The following TRPM3 variants were observed in gnomAD, a reference collection of about 807,000 sequenced individuals.
TRPM3 encodes long transient receptor potential channel 3.
A neutral mutation model predicts 181.2 loss-of-function variants in TRPM3; 77 were observed. That is an observed-to-expected ratio of 0.42 (90% confidence interval 0.35 to 0.51). The LOEUF (loss-of-function observed/expected upper bound fraction) is 0.51. Among genes scored for constraint, TRPM3 ranks in the 20% least tolerant of loss-of-function variants. The probability of loss-of-function intolerance (pLI) is 0.01; values close to 1 mark genes in which losing one functional copy is unlikely to be tolerated. For missense variants in TRPM3, 1,759 were observed against 2,196.7 expected, an observed-to-expected ratio of 0.80 and a Z score of 3.98; for synonymous variants, 745 against 796.4, an observed-to-expected ratio of 0.94 and a Z score of 1.09.
intron 1 of TRPM3, among the ~76,000 whole-genome samples, chr9:71,023,362 A>T (rs1301355094): frequency 1.3e-5 from 2 of 152,320 alleles, no homozygotes; most frequent in East Asian, 3.9e-4. Flanking sequence ...GGATGGAGAA[A>T]AACCGGGATT....
chr9:71,328,091 A>T (rs940897620), intron 1 of TRPM3, among the ~76,000 whole-genome samples: 5 of 151,348 alleles, frequency 3.3e-5, no homozygotes, highest in African/African-American at 1.2e-4. Flanking sequence ...CAAAAAAAAA[A>T]CCCCAAGTGA....
chr9:70,805,608 T>C (rs1254444344), intron 6 of TRPM3, among the ~76,000 whole-genome samples: 1 of 150,026 alleles, frequency 6.7e-6, no homozygotes, highest in East Asian at 2.0e-4. Flanking sequence ...TGGAATTGGG[T>C]TTATTTGAAT....
chr9:71,428,970 A>C (rs561460017), intron 1 of TRPM3, among the ~76,000 whole-genome samples: 8 of 151,468 alleles, frequency 5.3e-5, no homozygotes, highest in Admixed American at 2.0e-4. Context: ...AAAAAAAAGG[A>C]AACAGGCTTT....
intron 1 of TRPM3, among the ~76,000 whole-genome samples, chr9:71,032,013 T>TG (rs2057430970): frequency 1.8e-3 from 1 of 546 alleles, no homozygotes. Context: ...ATATAATATA[T>TG]AATATATATA....
intron 1 of TRPM3, among the ~76,000 whole-genome samples, chr9:71,114,559 T>C (rs1472226926): frequency 2.0e-5 from 3 of 152,238 alleles, no homozygotes; most frequent in Non-Finnish European, 4.4e-5. Flanking sequence ...AAATGTTCTC[T>C]TCCTCCTCCT....
chr9:71,209,696 G>A (rs927352886), intron 1 of TRPM3, among the ~76,000 whole-genome samples: 3 of 152,104 alleles, frequency 2.0e-5, no homozygotes, highest in Non-Finnish European at 4.4e-5. Context: ...TTTTTGTCTG[G>A]TCCATGAGCT....
chr9:70,833,502 A>G (rs1467685769), intron 5 of TRPM3, among the ~76,000 whole-genome samples: 1 of 152,156 alleles, frequency 6.6e-6, no homozygotes, highest in Non-Finnish European at 1.5e-5. Flanking sequence ...ACTGTGATGG[A>G]CAATTTCCCA....
At chr9:71,430,424 C>A (rs2093936974) in intron 1 of TRPM3, among the ~76,000 whole-genome samples, 1 of 152,120 alleles carries the variant, frequency 6.6e-6, no homozygotes, top group African/African-American at 2.4e-5. Flanking sequence ...CTTAGATTAG[C>A]AGCAAAAGGC....
chr9:71,280,370 A>G (rs1201359576), intron 1 of TRPM3, among the ~76,000 whole-genome samples: 2 of 152,198 alleles, frequency 1.3e-5, no homozygotes, highest in African/African-American at 4.8e-5. Flanking sequence ...TATTCCCCAC[A>G]TGGAAAATTT....
intron 1 of TRPM3, among the ~76,000 whole-genome samples, chr9:70,937,978 G>C (rs533060244): frequency 2.6e-5 from 4 of 152,294 alleles, no homozygotes; most frequent in Non-Finnish European, 5.9e-5. Context: ...TCTCCTTTGA[G>C]AACCGTGGTC....
chr9:71,187,949 AG>A (rs2077783481), intron 1 of TRPM3, among the ~76,000 whole-genome samples: 1 of 60,618 alleles, frequency 1.6e-5, no homozygotes, highest in Admixed American at 1.9e-4. Flanking sequence ...ATAGATAGAT[AG>A]ATCATCGCAT....
In TRPM3 at chr9:70,616,045, T is replaced by C; in HGVS notation, c.2389A>G (p.Ile797Val). Residue 797 changes from isoleucine (I) to valine (V), a missense_variant, in exon 18 of 26, where the codon ATT becomes GTT. By Grantham distance (29) the Ile-to-Val change is conservative (BLOSUM62 3). Around this residue, in one of 8 missense-constraint regions of TRPM3, gnomAD observed 114 missense variants for 134.8 expected, o/e 0.85. Coordinates refer to ENST00000677713, the MANE Select transcript of TRPM3 (RefSeq NM_001366145.2). Reference protein sequence around the residue: ...VILGILLPPSILSLEFKNKDD... With the variant: ...VILGILLPPSVLSLEFKNKDD... ...TTGTTCTTGAACTCCAAGCTGAGAA[T>C]TGAAGGAGGAAGTAGAATTCCCAGA... The C allele has an allele frequency of 1.9e-6, 3 of 1,608,048 alleles. No homozygotes were observed. Among genetic ancestry groups the C allele is most frequent in the Non-Finnish European group, 2.5e-6 (3 of 1,177,824 alleles).
At chr9:70,638,930 GA>G (rs1386084279) in intron 11 of TRPM3, 129 bp downstream of exon 11, 1 of 1,038,340 alleles carries the variant, frequency 9.6e-7, no homozygotes, top group Non-Finnish European at 1.4e-6. Context: ...AGGTCTAAGG[GA>G]GTATTTGTGA....
In TRPM3 at chr9:70,536,806, A is replaced by G. The variant is rs1185656430; in HGVS notation, c.4307T>C (p.Leu1436Pro). ...IDPLDNSVNILGLGEPSFSTP... is the reference protein window; with the variant it reads ...IDPLDNSVNIPGLGEPSFSTP... ...TGAAAAGCTTGGCTCGCCCAGCCCAAGGATGTTCACGGAATTGTCCAGAGG... is the reference window on the plus strand; with the variant it reads ...TGAAAAGCTTGGCTCGCCCAGCCCAGGGATGTTCACGGAATTGTCCAGAGG... Residue 1436 changes from leucine to proline, a missense_variant, in exon 26 of 26, where the codon CTT (leucine) becomes CCT (proline). Around this residue, in one of 8 missense-constraint regions of TRPM3, gnomAD observed 612 missense variants for 590.0 expected, o/e 1.04. Transcript: ENST00000677713. The G allele has an allele frequency of 3.1e-6, 5 of 1,614,174 alleles. No individual in the cohort carries two copies. The highest frequency in any genetic ancestry group is 4.5e-5 in the East Asian group (2 of 44,864).
chr9:71,428,162 G>C (rs1429091631), intron 1 of TRPM3, among the ~76,000 whole-genome samples: 1 of 151,628 alleles, frequency 6.6e-6, no homozygotes, highest in African/African-American at 2.4e-5. Flanking sequence ...TGCAATCTCA[G>C]CTCATTGCAA....
chr9:70,762,295 T>C (rs1173266256), intron 7 of TRPM3, among the ~76,000 whole-genome samples: 1 of 152,258 alleles, frequency 6.6e-6, no homozygotes, highest in Non-Finnish European at 1.5e-5. Flanking sequence ...GTCAAGCTTT[T>C]GTTCTGTTAC....
At chr9:71,161,977 T>A (rs1388697435) in intron 1 of TRPM3, among the ~76,000 whole-genome samples, 1 of 151,836 alleles carries the variant, frequency 6.6e-6, no homozygotes. Context: ...CAAGGCAGGC[T>A]GATCACCTGA....
At chr9:71,168,893 G>A in intron 1 of TRPM3, among the ~76,000 whole-genome samples, 1 of 152,078 alleles carries the variant, frequency 6.6e-6, no homozygotes, top group East Asian at 1.9e-4. Context: ...TACAAAAGAA[G>A]AAGCTAGCTT....
chr9:70,875,472 T>C (rs1036039521), intron 1 of TRPM3, among the ~76,000 whole-genome samples: 1 of 151,974 alleles, frequency 6.6e-6, no homozygotes, highest in Non-Finnish European at 1.5e-5. Flanking sequence ...AATTAATAAG[T>C]AATTCCTGAA....
Sources: gnomAD v4.1 joint callset for allele counts (sites outside exome capture counted in the v4.1 genomes callset) on GRCh38, gnomAD v4.1.1 for gene constraint, gnomAD v4.1.1 regional missense constraint, MANE v1.5 for transcripts, NCBI Gene and HGNC (gene_info 2026-07-23, HGNC 2026-07-21) for gene names.